MGMT: variants seen among roughly 807,000 people sequenced by gnomAD.
MGMT encodes O-6-methylguanine-DNA methyltransferase, also known as methylated-DNA--protein-cysteine methyltransferase.
In MGMT, 14 loss-of-function variants were observed where a neutral mutation model predicts 15.9. The ratio of observed to expected loss-of-function variants is 0.88; its 90% CI spans 0.58 to 1.37. MGMT has a LOEUF of 1.37. MGMT is among the 40% of genes most tolerant of loss of function. The pLI, the probability that MGMT is intolerant of heterozygous loss-of-function variation, is 0.00. For missense variants in MGMT, 282 were observed against 268.1 expected, an observed-to-expected ratio of 1.05 and a Z score of -0.36; for synonymous variants, 130 against 118.2, an observed-to-expected ratio of 1.10 and a Z score of -0.65.
At chr10:129,638,452 A>AAAAAAAG in intron 2 of MGMT, among the ~76,000 whole-genome samples, 1 of 149,092 alleles carries the variant, frequency 6.7e-6, no homozygotes, top group Admixed American at 6.7e-5. Context: ...AAAAGAAAAA[A>AAAAAAAG]AAAAGAAAAA....
rs1845944105 is a variant in MGMT, at chr10:129,532,592, G to A, written c.-12-3649G>A. ...GATTCACCCCCAGTGGCCTTCCAAGGCTCCTACCTTTCTCCCTGGCCCTGT... is the reference window on the plus strand; with the variant it reads ...GATTCACCCCCAGTGGCCTTCCAAGACTCCTACCTTTCTCCCTGGCCCTGT... On this transcript the variant is annotated intron_variant, in intron 1 of 4. Transcript: ENST00000651593. This position sits in a 1 kb window ranked among gnomAD's most constrained non-coding sequence, Gnocchi z 5.3. Among the ~76,000 whole-genome samples, 1 of 152,042 alleles carries A rather than the reference G, an allele frequency of 6.6e-6. No individual in the cohort carries two copies. The highest frequency in any genetic ancestry group is 2.1e-4 in the South Asian group (1 of 4,822).
intron 1 of MGMT, among the ~76,000 whole-genome samples, chr10:129,489,540 C>G (rs1398411314): frequency 6.6e-6 from 1 of 152,006 alleles, no homozygotes; most frequent in African/African-American, 2.4e-5. Flanking sequence ...GTCCTTGGGT[C>G]TGTAGACTAA....
At chr10:129,680,682 C>A (rs568814707) in intron 2 of MGMT, among the ~76,000 whole-genome samples, 1 of 152,224 alleles carries the variant, frequency 6.6e-6, no homozygotes, top group African/African-American at 2.4e-5. Context: ...CTCCGCCTCC[C>A]GCTCCTTTAA....
chr10:129,639,432 CACCATTT>C (rs1321665929), intron 2 of MGMT, among the ~76,000 whole-genome samples: 1 of 152,132 alleles, frequency 6.6e-6, no homozygotes, highest in Non-Finnish European at 1.5e-5. Context: ...ATGGAGATTT[CACCATTT>C]CTTACTGATC....
At position 129,770,951 on chromosome 10, in the gene MGMT, A is replaced by G. The variant is rs147099408; in HGVS notation, c.*3954A>G. Reference sequence around the variant, plus strand: ...TTTTTTCTTTCTTTCTTTCCTGTTCATGGGCATTTGATTAAAAGTTTGTGT... The same window carrying G: ...TTTTTTCTTTCTTTCTTTCCTGTTCGTGGGCATTTGATTAAAAGTTTGTGT... On this transcript the variant is annotated 3_prime_UTR_variant, in exon 5 of 5. Coordinates refer to ENST00000651593, the MANE Select transcript of MGMT (RefSeq NM_002412.5). 7.7e-4 allele frequency among the ~76,000 whole-genome samples: 116 copies of G among 151,616 alleles called. No homozygotes were observed. The East Asian group carries it at 0.018, about 23-fold the overall frequency.
At chr10:129,484,866 A>G (rs1210909164) in intron 1 of MGMT, among the ~76,000 whole-genome samples, 2 of 151,900 alleles carry the variant, frequency 1.3e-5, no homozygotes, top group African/African-American at 2.4e-5. Context: ...TAGTCCTACT[A>G]TTTACATAAT....
chr10:129,688,998 C>T (rs1589938130), intron 2 of MGMT, among the ~76,000 whole-genome samples: 1 of 152,030 alleles, frequency 6.6e-6, no homozygotes. Context: ...CGCTGTGTCA[C>T]CCAGGCTGGA....
intron 2 of MGMT, among the ~76,000 whole-genome samples, chr10:129,596,539 C>T (rs1480110456): frequency 6.6e-6 from 1 of 152,138 alleles, no homozygotes; most frequent in Non-Finnish European, 1.5e-5. Flanking sequence ...GAAGTTCCTG[C>T]AAGCAGTCCT....
chr10:129,597,255 T>C (rs1846761875), intron 2 of MGMT, among the ~76,000 whole-genome samples: 1 of 152,260 alleles, frequency 6.6e-6, no homozygotes, highest in South Asian at 2.1e-4. Flanking sequence ...TGGTTGGCAT[T>C]CTGGTTAAAA....
At chr10:129,613,651 G>A (rs1353927531) in intron 2 of MGMT, among the ~76,000 whole-genome samples, 1 of 152,182 alleles carries the variant, frequency 6.6e-6, no homozygotes, top group Non-Finnish European at 1.5e-5. Flanking sequence ...TAATAAAAAG[G>A]TCTAAAACAT....
chr10:129,541,386 C>T (rs1034045319), intron 2 of MGMT, among the ~76,000 whole-genome samples: 2 of 152,264 alleles, frequency 1.3e-5, no homozygotes, highest in African/African-American at 2.4e-5. Flanking sequence ...AGCTCCCCCG[C>T]GCCATCTTCC....
intron 1 of MGMT, among the ~76,000 whole-genome samples, chr10:129,515,253 C>G (rs1845725999): frequency 6.6e-6 from 1 of 152,248 alleles, no homozygotes; most frequent in Non-Finnish European, 1.5e-5. Context: ...TGCTTCCCCA[C>G]TCGCCAAGGC....
At chr10:129,702,329 C>T (rs767037976) in intron 2 of MGMT, among the ~76,000 whole-genome samples, 4 of 152,230 alleles carry the variant, frequency 2.6e-5, no homozygotes, top group Non-Finnish European at 4.4e-5. Flanking sequence ...TGTACACACG[C>T]CCAGCAAAGC....
At chr10:129,510,683 G>T (rs1845672040) in intron 1 of MGMT, among the ~76,000 whole-genome samples, 1 of 152,154 alleles carries the variant, frequency 6.6e-6, no homozygotes, top group Non-Finnish European at 1.5e-5. Context: ...TAGATGATGG[G>T]TTCAGGTACA....
chr10:129,621,333 A>G (rs1176993298), intron 2 of MGMT, among the ~76,000 whole-genome samples: 1 of 152,238 alleles, frequency 6.6e-6, no homozygotes, highest in Non-Finnish European at 1.5e-5. Flanking sequence ...TCTTACTTCT[A>G]CATGTTATAG....
intron 2 of MGMT, among the ~76,000 whole-genome samples, chr10:129,680,289 C>T (rs999354147): frequency 3.3e-5 from 5 of 152,158 alleles, no homozygotes; most frequent in African/African-American, 1.2e-4. Flanking sequence ...ACAGGTCAGC[C>T]TGAGTTCAGA....
chr10:129,770,736 T>G lies in MGMT; in HGVS notation c.*3739T>G, dbSNP rs1365265134. ...AGTGTTTTATTTTACTAGGAAGATT[T>G]TACTGAAAGACCAATCCCGAAACGG... On this transcript the variant is annotated 3_prime_UTR_variant, in exon 5 of 5. Transcript: ENST00000651593. Among the ~76,000 whole-genome samples the G allele has an allele frequency of 6.6e-6, 1 of 152,216 alleles. No homozygotes were observed. Among genetic ancestry groups the G allele is most frequent in the East Asian group, 1.9e-4 (1 of 5,190 alleles).
intron 3 of MGMT, among the ~76,000 whole-genome samples, chr10:129,743,410 G>A (rs1302746481): frequency 6.6e-6 from 1 of 152,174 alleles, no homozygotes; most frequent in Non-Finnish European, 1.5e-5. Context: ...TCCGTTGGCC[G>A]ACCCTGTTGG....
chr10:129,488,081 T>C (rs748766658), intron 1 of MGMT, among the ~76,000 whole-genome samples: 2 of 151,696 alleles, frequency 1.3e-5, no homozygotes, highest in African/African-American at 4.8e-5. Flanking sequence ...AGCCAAGCTG[T>C]TTCTCACTGT....
Sources: allele counts gnomAD v4.1 joint callset (sites outside exome capture counted in the v4.1 genomes callset), GRCh38; gene constraint gnomAD v4.1.1; non-coding constraint Gnocchi (gnomAD v3.1); transcripts MANE v1.5; gene names NCBI Gene and HGNC (gene_info 2026-07-23, HGNC 2026-07-21).